The following RALGDS variants were observed in gnomAD, a reference collection of about 807,000 sequenced individuals.
The protein encoded by RALGDS is ral guanine nucleotide dissociation stimulator.
Under a neutral mutation model 99.8 loss-of-function variants are expected in RALGDS, and 44 were observed. The observed-to-expected ratio is 0.44, with a 90% CI of 0.35 to 0.57. RALGDS has a LOEUF of 0.57. Among genes scored for constraint, RALGDS ranks in the 20% least tolerant of loss-of-function variants. RALGDS has a pLI of 0.01. For synonymous variants in RALGDS, 529 were observed against 505.0 expected (o/e 1.05, Z -0.64); for missense variants, 1,022 against 1,203.1 (o/e 0.85, Z 2.23).
Position 133,105,935 on chromosome 9 carries a change from G to A in RALGDS, c.1599C>T (p.Ile533=), listed in dbSNP as rs772167821. The part of the protein sequence containing the change: ...NNYSLSRELL[I]KEGTSKFATL... ...CCCCAGCCTGCCGCCACTCCACCTT[G>A]ATGAGCAGCTCCCGGCTCAATGAGT... The change falls in exon 9 of 18, where the codon ATC becomes ATT. Residue 533 remains isoleucine (I), a synonymous_variant. Coordinates refer to ENST00000372050, the MANE Select transcript of RALGDS (RefSeq NM_006266.4). 1 of 1,571,984 alleles carries A rather than the reference G, an allele frequency of 6.4e-7. No individual in the cohort carries two copies. Among genetic ancestry groups the A allele is most frequent in the Non-Finnish European group, 8.6e-7 (1 of 1,160,694 alleles).
At chr9:133,115,056 G>A (rs931841481) in intron 1 of RALGDS, among the ~76,000 whole-genome samples, 1 of 152,170 alleles carries the variant, frequency 6.6e-6, no homozygotes, top group Admixed American at 6.5e-5. Context: ...CGTGTCCCTG[G>A]CTGACAGAAG....
At chr9:133,132,269 A>G (rs905744290), upstream of RALGDS, among the ~76,000 whole-genome samples, 1 of 152,170 alleles carries the variant, frequency 6.6e-6, no homozygotes, top group African/African-American at 2.4e-5. Flanking sequence ...TTAACGGGAG[A>G]GACGCCCTGT....
Position 133,121,181 on chromosome 9 carries a change from CCGGCCCGGCG to C in RALGDS, c.-37_-28del. 9.6e-7 allele frequency: 1 copy of C among 1,042,264 alleles called. No homozygotes were observed. The allele number at this position is 1,042,264 out of a possible 1,614,324, so 64.6% of individuals were successfully genotyped here. The stretch of plus-strand genomic sequence containing the variant: ...GAAGGCTCGCAGCGCGGGCGCGGGG[CCGGCCCGGCG>C]CGCGGCGGGGGCGGCGGCGCGGCCC... On this transcript the variant is annotated 5_prime_UTR_variant, in exon 1 of 18. Transcript: ENST00000372050.
intron 17 of RALGDS, chr9:133,098,999 C>G: frequency 5.7e-6 from 3 of 524,350 alleles, no homozygotes; most frequent in South Asian, 4.1e-5. Flanking sequence ...CCAGAACCCC[C>G]CGGCTTGGCC....
intron 1 of RALGDS, among the ~76,000 whole-genome samples, chr9:133,142,893 G>A (rs1351396798): frequency 1.3e-5 from 2 of 152,218 alleles, no homozygotes; most frequent in African/African-American, 2.4e-5. Flanking sequence ...TGGTCCTGGT[G>A]CCTGGCCCTT....
chr9:133,144,959 G>A lies in RALGDS; in HGVS notation c.18+4004C>T, dbSNP rs948937998. Among the ~76,000 whole-genome samples the A allele has an allele frequency of 7.2e-5, 11 of 152,214 alleles. No individual in the cohort carries two copies. Among genetic ancestry groups the A allele is most frequent in the African/African-American group, 2.7e-4 (11 of 41,452 alleles). On this transcript the variant is annotated intron_variant, in intron 1 of 17. Transcript: ENST00000393160. This position sits in a 1 kb window ranked among gnomAD's most constrained non-coding sequence, Gnocchi z 4.5. The stretch of plus-strand genomic sequence containing the variant: ...AGGGAAAATTGGACAGACACGCACA[G>A]GCGGACAGACACGAACTGATGAAGG...
At chr9:133,112,472 T>C (rs1831395964) in intron 1 of RALGDS, among the ~76,000 whole-genome samples, 1 of 152,142 alleles carries the variant, frequency 6.6e-6, no homozygotes, top group African/African-American at 2.4e-5. Context: ...GGACTGTTAT[T>C]CAGCCATTGC....
rs769716366 is a variant in RALGDS, at chr9:133,101,985, TCTC to T, written c.2161_2163del (p.Glu721del). 67 of 1,551,740 alleles carry T rather than the reference TCTC, an allele frequency of 4.3e-5. No individual in the cohort carries two copies. The highest frequency in any genetic ancestry group is 1.4e-4 in the African/African-American group (10 of 73,072). ...GACTCCGGGACGAAGCTGATGTTGA[TCTC>T]CTCCACGTCGGAGCTAGAGGAGCCG... On this transcript the variant is annotated inframe_deletion, in exon 15 of 18. Transcript: ENST00000372050.
At chr9:133,124,347 TAG>T (rs1483321384), upstream of RALGDS, among the ~76,000 whole-genome samples, 1 of 150,698 alleles carries the variant, frequency 6.6e-6, no homozygotes, top group African/African-American at 2.5e-5. Flanking sequence ...CACGCAGAGA[TAG>T]AGACACACAG....
chr9:133,102,453 A>G, intron 14 of RALGDS, 23 bp downstream of exon 14: 2 of 1,609,300 alleles, frequency 1.2e-6, no homozygotes, highest in Non-Finnish European at 1.7e-6. Flanking sequence ...AGCTGCCCCT[A>G]CCACCCTTGG....
Position 133,107,997 on chromosome 9 carries a change from C to T in RALGDS, c.1188G>A (p.Leu396=), listed in dbSNP as rs560790506. Residue 396 remains leucine (L), a synonymous_variant, in exon 6 of 18, where the codon CTG becomes CTA. Coordinates refer to ENST00000372050, the MANE Select transcript of RALGDS (RefSeq NM_006266.4). ...PPDLVAEQFT[L]MDAELFKKVV... ...AAGCTGAGCTGCTCACCGCATCCATCAGTGTAAACTGCTCTGCCACCAGAT... is the reference window on the plus strand; with the variant it reads ...AAGCTGAGCTGCTCACCGCATCCATTAGTGTAAACTGCTCTGCCACCAGAT... The T allele has an allele frequency of 1.9e-6, 3 of 1,613,116 alleles. No homozygotes were observed. The highest frequency in any genetic ancestry group is 1.1e-5 in the South Asian group (1 of 91,086).
chr9:133,101,685 TGAG>T lies in RALGDS; in HGVS notation c.2286_2288del (p.Ser763del). Reference sequence around the variant, plus strand: ...TGGCAGCCACGGGCGTGGTGGAGGCTGAGGAGGACGAGGTGCTGCTGGAGGCTG... The same window carrying T: ...TGGCAGCCACGGGCGTGGTGGAGGCTGAGGACGAGGTGCTGCTGGAGGCTG... On this transcript the variant is annotated inframe_deletion, in exon 16 of 18. Transcript: ENST00000372050. The T allele has an allele frequency of 1.2e-6, 2 of 1,613,918 alleles. No individual in the cohort carries two copies. The highest frequency in any genetic ancestry group is 8.5e-7 in the Non-Finnish European group (1 of 1,179,974).
At chr9:133,140,026 C>T (rs544147777) in intron 1 of RALGDS, among the ~76,000 whole-genome samples, 3 of 150,872 alleles carry the variant, frequency 2.0e-5, no homozygotes, top group African/African-American at 2.4e-5. Context: ...TGGTGAACAT[C>T]GTGACAGATG....
chr9:133,133,542 C>T (rs1254786910), upstream of RALGDS, among the ~76,000 whole-genome samples: 1 of 152,232 alleles, frequency 6.6e-6, no homozygotes, highest in Admixed American at 6.5e-5. Context: ...CATGGACAGC[C>T]GAGGCGCTGG....
chr9:133,112,163 A>T lies in RALGDS; in HGVS notation c.184-11T>A, dbSNP rs1160314170. 1 of 1,548,098 alleles carries T rather than the reference A, an allele frequency of 6.5e-7. No homozygotes were observed. The highest frequency in any genetic ancestry group is 8.7e-7 in the Non-Finnish European group (1 of 1,143,594). On this transcript the variant is annotated splice_polypyrimidine_tract_variant and intron_variant, in intron 1 of 17. Transcript: ENST00000372050. ...CTCCTGCGTGGAGCTCTGTGAAGAC[A>T]ACGCCCGGCAGCCGGGCGCGGGGAC...
At position 133,104,328 on chromosome 9, in the gene RALGDS, C is replaced by T. The variant is rs1564230534; in HGVS notation, c.1606G>A (p.Gly536Ser). 6.2e-7 allele frequency: 1 copy of T among 1,612,662 alleles called. No individual in the cohort carries two copies. The highest frequency in any genetic ancestry group is 1.3e-5 in the African/African-American group (1 of 75,034). Residue 536 changes from glycine (G) to serine (S), a missense_variant, in exon 10 of 18, where the codon GGC (glycine) becomes AGC (serine). Physicochemically the swap from Gly to Ser is moderately conservative, Grantham distance 56 (BLOSUM62 0). This residue lies in a region of RALGDS where 825 missense variants were observed against 994.5 expected (regional missense o/e 0.83). Transcript: ENST00000372050. Reference sequence around the variant, plus strand: ...TCCAGGGTGGCAAACTTGGAGGTGCCCTCCTGCCAGGGTAGAGGACAGGGT... The same window carrying T: ...TCCAGGGTGGCAAACTTGGAGGTGCTCTCCTGCCAGGGTAGAGGACAGGGT... ...SLSRELLIKE[G>S]TSKFATLEMN...
rs1047647633 is a variant in RALGDS at position 133,101,475 on chromosome 9, T to A, written c.2454+45A>T. 16 of 1,607,928 alleles carry A rather than the reference T, an allele frequency of 1.0e-5. No individual in the cohort carries two copies. In the Admixed American group the frequency reaches 1.5e-4, roughly 15 times the overall value. ...TGGTGCACTGTGTTCAGGGTGCATT[T>A]GCCGCCAGTGGAGGGAGGCACCCAG... is the stretch of plus-strand genomic sequence containing the variant. On this transcript the variant is annotated intron_variant, in intron 16 of 17. Coordinates refer to ENST00000372050, the MANE Select transcript of RALGDS (RefSeq NM_006266.4).
In RALGDS at chr9:133,104,251, G is replaced by T; in HGVS notation, c.1671+12C>A. ...CAGCCCCCTGCCCCTCCGCGGCCTT[G>T]GGCACTCTCACCGTCTCCTTCGGCC... On this transcript the variant is annotated intron_variant, in intron 10 of 17. Transcript: ENST00000372050. 1.2e-6 allele frequency: 2 copies of T among 1,611,520 alleles called. No homozygotes were observed. Among genetic ancestry groups the T allele is most frequent in the South Asian group, 2.2e-5 (2 of 91,052 alleles).
intron 1 of RALGDS, among the ~76,000 whole-genome samples, chr9:133,119,533 C>G (rs574200407): frequency 5.5e-4 from 83 of 152,198 alleles, no homozygotes; most frequent in Non-Finnish European, 1.0e-3. Flanking sequence ...AGCTCTGCCT[C>G]TCCCTCAGTT....
Sources: allele counts gnomAD v4.1 joint callset (sites outside exome capture counted in the v4.1 genomes callset), GRCh38; gene constraint gnomAD v4.1.1; regional missense constraint gnomAD v4.1.1; non-coding constraint Gnocchi (gnomAD v3.1); transcripts MANE v1.5; gene names NCBI Gene and HGNC (gene_info 2026-07-23, HGNC 2026-07-21).